Variants in OSBPL1A observed in about 807,000 individuals in gnomAD.
OSBPL1A encodes oxysterol-binding protein-related protein 1.
OSBPL1A carries 80 observed loss-of-function variants against 137.1 expected under a neutral mutation model. The ratio of observed to expected loss-of-function variants is 0.58; its 90% CI spans 0.49 to 0.70. The LOEUF (loss-of-function observed/expected upper bound fraction) is 0.70. OSBPL1A is among the 30% of genes least tolerant of loss of function. The pLI, the probability that OSBPL1A is intolerant of heterozygous loss-of-function variation, is 0.00. For missense variants in OSBPL1A, 970 were observed against 1,129.4 expected (o/e 0.86, Z 2.02); for synonymous variants, 365 against 389.7 (o/e 0.94, Z 0.75).
intron 7 of OSBPL1A, among the ~76,000 whole-genome samples, chr18:24,326,078 A>G (rs1160190540): frequency 2.0e-5 from 3 of 152,096 alleles, no homozygotes; most frequent in Non-Finnish European, 4.4e-5. Context: ...AGAAAAAAAG[A>G]AAAAAAGACT....
chr18:24,292,661 C>G (rs1845259413), intron 14 of OSBPL1A, among the ~76,000 whole-genome samples: 1 of 152,058 alleles, frequency 6.6e-6, no homozygotes, highest in Admixed American at 6.6e-5. Flanking sequence ...GAAAGGCAGA[C>G]AATCAACTAC....
chr18:24,354,561 C>G (rs1371393517), intron 4 of OSBPL1A, among the ~76,000 whole-genome samples: 1 of 151,768 alleles, frequency 6.6e-6, no homozygotes, highest in East Asian at 1.9e-4. Flanking sequence ...ATAAATGATG[C>G]CTTCAATGGG....
At chr18:24,234,739 A>C (rs2088405140) in intron 16 of OSBPL1A, among the ~76,000 whole-genome samples, 1 of 152,154 alleles carries the variant, frequency 6.6e-6, no homozygotes, top group South Asian at 2.1e-4. Flanking sequence ...ACAACTTTTT[A>C]AAAGATTAAA....
chr18:24,279,678 AC>A (rs2089918449), intron 15 of OSBPL1A, among the ~76,000 whole-genome samples: 1 of 152,168 alleles, frequency 6.6e-6, no homozygotes. Context: ...AAGCCTAGTG[AC>A]CTTGACTTAC....
At chr18:24,381,827 G>C (rs1043194447) in intron 1 of OSBPL1A, among the ~76,000 whole-genome samples, 5 of 151,780 alleles carry the variant, frequency 3.3e-5, no homozygotes, top group African/African-American at 9.7e-5. Flanking sequence ...CAGGCGTGGT[G>C]GTGGGCGCCT....
At chr18:24,311,580 C>A in intron 13 of OSBPL1A, 1 of 816,874 alleles carries the variant, frequency 1.2e-6, no homozygotes. Flanking sequence ...TAAAGGAAAC[C>A]TACCAACCAG....
At chr18:24,222,891 G>T (rs748751263) in intron 17 of OSBPL1A, among the ~76,000 whole-genome samples, 9 of 152,030 alleles carry the variant, frequency 5.9e-5, no homozygotes, top group Admixed American at 2.6e-4. Flanking sequence ...GGTACTACTG[G>T]TGGTATGGGG....
At chr18:24,210,349 T>C (rs1268750323) in intron 17 of OSBPL1A, among the ~76,000 whole-genome samples, 1 of 152,046 alleles carries the variant, frequency 6.6e-6, no homozygotes, top group African/African-American at 2.4e-5. Flanking sequence ...CACTTGAATC[T>C]GGGAGGTGGA....
intron 14 of OSBPL1A, 54 bp downstream of exon 14, chr18:24,303,583 G>T: frequency 7.2e-7 from 1 of 1,395,836 alleles, no homozygotes; most frequent in Non-Finnish European, 1.0e-6. Flanking sequence ...AACTACAACA[G>T]GTCAGTATCT....
chr18:24,369,566 T>A (rs1905452164), intron 2 of OSBPL1A, among the ~76,000 whole-genome samples: 1 of 152,140 alleles, frequency 6.6e-6, no homozygotes, highest in African/African-American at 2.4e-5. Context: ...TACACTGCCC[T>A]CAGCTCCTGG....
rs187926571 is a variant in OSBPL1A at position 24,326,431 on chromosome 18, C to A, written c.625+6511G>T. 3.9e-5 allele frequency among the ~76,000 whole-genome samples: 6 copies of A among 152,332 alleles called. No individual in the cohort carries two copies. The East Asian group carries it at 1.2e-3, about 29-fold the overall frequency. ...TCCTGCCCCTAAAGTCCCAAGTGAC[C>A]ACACTAGGCACAGACGCCTGACACA... On this transcript the variant is annotated intron_variant, in intron 7 of 27. Coordinates refer to ENST00000319481, the MANE Select transcript of OSBPL1A (RefSeq NM_080597.4).
intron 16 of OSBPL1A, among the ~76,000 whole-genome samples, chr18:24,228,415 A>T (rs1448202297): frequency 1.3e-5 from 2 of 151,902 alleles, no homozygotes; most frequent in Non-Finnish European, 2.9e-5. Context: ...TTACTTCCAC[A>T]TTGCAAAGTA....
intron 26 of OSBPL1A, among the ~76,000 whole-genome samples, chr18:24,165,417 T>C (rs1376502280): frequency 6.6e-6 from 1 of 152,164 alleles, no homozygotes; most frequent in Non-Finnish European, 1.5e-5. Flanking sequence ...TGTTTATTCT[T>C]AAGGCCAAAA....
intron 7 of OSBPL1A, among the ~76,000 whole-genome samples, chr18:24,322,073 G>C (rs2090870270): frequency 6.6e-6 from 1 of 151,324 alleles, no homozygotes; most frequent in Non-Finnish European, 1.5e-5. Context: ...TAGTAAAATG[G>C]AGATCATTTT....
At chr18:24,332,841 T>C (rs1282631914) in intron 7 of OSBPL1A, 101 bp downstream of exon 7, 3 of 1,399,342 alleles carry the variant, frequency 2.1e-6, no homozygotes, top group South Asian at 1.3e-5. Context: ...AACCATACAG[T>C]TTAACAAAGG....
chr18:24,245,998 T>C (rs537215329), intron 15 of OSBPL1A, among the ~76,000 whole-genome samples: 128 of 151,922 alleles, frequency 8.4e-4, no homozygotes, highest in African/African-American at 3.0e-3. Context: ...TCACCCGAGG[T>C]CAGGAGTTCA....
rs776433062 is a variant in OSBPL1A, at chr18:24,170,312, T to C, written c.2418+15A>G. The C allele has an allele frequency of 8.1e-6, 13 of 1,613,902 alleles. No homozygotes were observed. In the Admixed American group the frequency reaches 1.5e-4, roughly 19 times the overall value. Reference sequence around the variant, plus strand: ...ATCCAGTTATTCCTTCGATACCACCTTACAGGATGTTCACCTGTTTGCTGT... The same window carrying C: ...ATCCAGTTATTCCTTCGATACCACCCTACAGGATGTTCACCTGTTTGCTGT... On this transcript the variant is annotated intron_variant, in intron 24 of 27. Coordinates refer to ENST00000319481, the MANE Select transcript of OSBPL1A (RefSeq NM_080597.4).
chr18:24,329,528 T>C (rs1201905813), intron 7 of OSBPL1A, among the ~76,000 whole-genome samples: 3 of 141,420 alleles, frequency 2.1e-5, no homozygotes, highest in African/African-American at 8.0e-5. Context: ...CCAACCTGGG[T>C]GACAGAGTGA....
intron 17 of OSBPL1A, among the ~76,000 whole-genome samples, chr18:24,200,387 C>A (rs940880699): frequency 1.5e-4 from 23 of 151,918 alleles, no homozygotes; most frequent in Non-Finnish European, 8.8e-5. Flanking sequence ...GATGGTGAAA[C>A]CCTGTCTCTA....
Sources: allele counts gnomAD v4.1 joint callset (sites outside exome capture counted in the v4.1 genomes callset), GRCh38; gene constraint gnomAD v4.1.1; transcripts MANE v1.5; gene names NCBI Gene and HGNC (gene_info 2026-07-23, HGNC 2026-07-21).